Variants in RPS6KA2 observed in about 807,000 individuals in gnomAD.
RPS6KA2 encodes ribosomal protein S6 kinase alpha-2.
A neutral mutation model predicts 91.8 loss-of-function variants in RPS6KA2; 42 were observed. That is an observed-to-expected ratio of 0.46 (90% CI 0.36 to 0.59). The LOEUF (loss-of-function observed/expected upper bound fraction) is 0.59, where lower values mean the gene tolerates loss of function less well. Ranked by LOEUF, RPS6KA2 falls within the 20% of genes least tolerant of loss-of-function variation. The pLI is 0.00. For missense variants in RPS6KA2, 798 were observed against 978.5 expected (o/e 0.82, Z 2.46); for synonymous variants, 414 against 393.6 (o/e 1.05, Z -0.61).
At chr6:166,805,366 C>CA (rs1433331623) in intron 2 of RPS6KA2, among the ~76,000 whole-genome samples, 1 of 152,290 alleles carries the variant, frequency 6.6e-6, no homozygotes, top group African/African-American at 2.4e-5. Context: ...CTCATTGTTG[C>CA]AAGGCCCTGT....
Position 166,648,199 on chromosome 6 carries a change from C to A in RPS6KA2, c.124-109415G>T, listed in dbSNP as rs1787724543. 9.7e-6 allele frequency among the ~76,000 whole-genome samples: 1 copy of A among 103,560 alleles called. No individual in the cohort carries two copies. The highest frequency in any genetic ancestry group is 1.9e-5 in the Non-Finnish European group (1 of 52,356). 67.9% of individuals were successfully genotyped at this position (103,560 alleles called of 152,430 possible). On this transcript the variant is annotated intron_variant, in intron 2 of 21. Coordinates refer to the RPS6KA2 transcript ENST00000503859. This position sits in a 1 kb window ranked among gnomAD's most constrained non-coding sequence, Gnocchi z 4.8. ...TCACACACATGCACACATGCTCATA[C>A]ACACACTCATGCACACACACGCACA...
At chr6:166,761,115 G>C (rs978166548) in intron 2 of RPS6KA2, among the ~76,000 whole-genome samples, 1 of 152,246 alleles carries the variant, frequency 6.6e-6, no homozygotes, top group East Asian at 1.9e-4. Flanking sequence ...CCAGGCTGGA[G>C]TGCAGTGGTG....
rs1402085129 is a variant in RPS6KA2, at chr6:166,612,669, G to A, written c.99+14252C>T. 4.6e-5 allele frequency among the ~76,000 whole-genome samples: 7 copies of A among 152,074 alleles called. No individual in the cohort carries two copies. Among genetic ancestry groups the A allele is most frequent in the East Asian group, 1.9e-4 (1 of 5,182 alleles). On this transcript the variant is annotated intron_variant, in intron 1 of 20. Coordinates refer to ENST00000265678, the MANE Select transcript of RPS6KA2 (RefSeq NM_021135.6). The surrounding 1 kb of genome is among the most constrained non-coding windows in gnomAD (Gnocchi z 4.3). ...GCTCCATTTATCACTCTGTCCGGGC[G>A]TCTGTTGTTACCCATGCTCGGGTAG...
intron 2 of RPS6KA2, among the ~76,000 whole-genome samples, chr6:166,744,311 C>T (rs1013918167): frequency 2.0e-5 from 3 of 152,232 alleles, no homozygotes; most frequent in African/African-American, 2.4e-5. Context: ...GCACCGGCCT[C>T]GGCCAGCGTG....
intron 2 of RPS6KA2, among the ~76,000 whole-genome samples, chr6:166,741,256 G>A (rs897178268): frequency 2.0e-5 from 3 of 152,194 alleles, no homozygotes; most frequent in African/African-American, 4.8e-5. Flanking sequence ...GTTTGCACAC[G>A]GAATTCAAGC....
chr6:166,657,836 C>T (rs1434927789), intron 2 of RPS6KA2, among the ~76,000 whole-genome samples: 1 of 152,196 alleles, frequency 6.6e-6, no homozygotes, highest in Non-Finnish European at 1.5e-5. Flanking sequence ...AGACCGAAAA[C>T]CTGAACTGCA....
intron 12 of RPS6KA2, among the ~76,000 whole-genome samples, chr6:166,455,037 A>C (rs2128457975): frequency 6.6e-6 from 1 of 151,716 alleles, no homozygotes; most frequent in Non-Finnish European, 1.5e-5. Context: ...ATCTTTTAAG[A>C]CTCCCTGTAT....
intron 2 of RPS6KA2, among the ~76,000 whole-genome samples, chr6:166,746,643 C>A (rs950191596): frequency 2.6e-5 from 4 of 152,218 alleles, no homozygotes; most frequent in African/African-American, 9.6e-5. Flanking sequence ...AGTCGTAAGC[C>A]CCAGGCTGTA....
At chr6:166,524,822 C>T (rs1276093788) in intron 3 of RPS6KA2, among the ~76,000 whole-genome samples, 1 of 152,176 alleles carries the variant, frequency 6.6e-6, no homozygotes, top group Non-Finnish European at 1.5e-5. Context: ...GAGAGGCACC[C>T]CAAGATGACA....
At chr6:166,575,314 G>A (rs1313268842) in intron 1 of RPS6KA2, among the ~76,000 whole-genome samples, 2 of 152,212 alleles carry the variant, frequency 1.3e-5, no homozygotes, top group Non-Finnish European at 1.5e-5. Context: ...GAGTACGGGG[G>A]AGCGCTCAGA....
intron 15 of RPS6KA2, 150 bp from the exon 16 acceptor site, chr6:166,430,761 A>T (rs1459765627): frequency 4.3e-6 from 3 of 695,094 alleles, no homozygotes. Context: ...TGCAGGGTAG[A>T]AGCAAATGGC....
At chr6:166,723,943 A>G (rs1418911166) in intron 2 of RPS6KA2, among the ~76,000 whole-genome samples, 2 of 151,408 alleles carry the variant, frequency 1.3e-5, no homozygotes, top group Admixed American at 1.3e-4. Context: ...CAGGTGATCC[A>G]CTCTTCTCAG....
At chr6:166,846,612 G>A (rs756792675) in intron 2 of RPS6KA2, among the ~76,000 whole-genome samples, 5 of 152,002 alleles carry the variant, frequency 3.3e-5, no homozygotes, top group African/African-American at 4.8e-5. Flanking sequence ...CAAAAATCAC[G>A]TGATCATCCC....
At chr6:166,561,294 C>G (rs1399358294) in intron 1 of RPS6KA2, among the ~76,000 whole-genome samples, 3 of 152,192 alleles carry the variant, frequency 2.0e-5, no homozygotes, top group Non-Finnish European at 4.4e-5. Context: ...AGGATGAGAC[C>G]CTGTGCCCAG....
intron 2 of RPS6KA2, among the ~76,000 whole-genome samples, chr6:166,777,031 G>GT (rs1286175584): frequency 6.6e-6 from 1 of 152,138 alleles, no homozygotes; most frequent in Non-Finnish European, 1.5e-5. Context: ...TCATTGGGCT[G>GT]GTGGTCTTTT....
intron 1 of RPS6KA2, among the ~76,000 whole-genome samples, chr6:166,860,170 T>C (rs569530701): frequency 1.3e-5 from 2 of 152,334 alleles, no homozygotes; most frequent in Non-Finnish European, 2.9e-5. Flanking sequence ...TCATGGTTAA[T>C]ATTTAAGCTT....
intron 2 of RPS6KA2, among the ~76,000 whole-genome samples, chr6:166,812,071 C>T (rs767232349): frequency 6.6e-5 from 10 of 152,092 alleles, no homozygotes; most frequent in Non-Finnish European, 1.2e-4. Flanking sequence ...TGAAAGCAAG[C>T]GGGTCGGTTG....
chr6:166,679,813 G>A (rs1788731670), intron 2 of RPS6KA2, among the ~76,000 whole-genome samples: 1 of 152,238 alleles, frequency 6.6e-6, no homozygotes, highest in African/African-American at 2.4e-5. Flanking sequence ...GGCTGGCGCG[G>A]GTTCCAGGTG....
In RPS6KA2 at chr6:166,594,752, G is replaced by T. The variant is rs571031189; in HGVS notation, c.99+32169C>A. 8.5e-5 allele frequency among the ~76,000 whole-genome samples: 13 copies of T among 152,266 alleles called. No homozygotes were observed. The East Asian group carries it at 2.3e-3, about 27-fold the overall frequency. ...GCTGGGATTACAGGCGTGAGCCACTGCGCCCAGCCCAAACACACAGATTTT... is the reference window on the plus strand; with the variant it reads ...GCTGGGATTACAGGCGTGAGCCACTTCGCCCAGCCCAAACACACAGATTTT... On this transcript the variant is annotated intron_variant, in intron 1 of 20. Transcript: ENST00000265678.
Sources: gnomAD v4.1 joint callset for allele counts (sites outside exome capture counted in the v4.1 genomes callset) on GRCh38, gnomAD v4.1.1 for gene constraint, Gnocchi (gnomAD v3.1) non-coding constraint, MANE v1.5 for transcripts, NCBI Gene and HGNC (gene_info 2026-07-23, HGNC 2026-07-21) for gene names.